The following CFAP74 variants were observed in gnomAD, a reference collection of about 807,000 sequenced individuals.
CFAP74 encodes the protein cilia and flagella associated protein 74.
In CFAP74, 124 loss-of-function variants were observed where a neutral mutation model predicts 188.9. The ratio of observed to expected loss-of-function variants is 0.66; its 90% CI spans 0.57 to 0.76. The LOEUF (loss-of-function observed/expected upper bound fraction) is 0.76, where lower values mean the gene tolerates loss of function less well. CFAP74 is among the 30% of genes least tolerant of loss of function. The pLI, the probability that CFAP74 is intolerant of heterozygous loss-of-function variation, is 0.00. For synonymous variants in CFAP74, 956 were observed against 916.7 expected (o/e 1.04, Z -0.77); for missense variants, 2,198 against 2,165.2 (o/e 1.02, Z -0.30).
chr1:1,985,916 C>A (rs1657206192), intron 5 of CFAP74, among the ~76,000 whole-genome samples: 1 of 152,278 alleles, frequency 6.6e-6, no homozygotes, highest in Non-Finnish European at 1.5e-5. Flanking sequence ...AGCCCAGCCA[C>A]GTTCCTAGAG....
chr1:1,989,408 C>A (rs1309589336), intron 2 of CFAP74, among the ~76,000 whole-genome samples: 1 of 152,208 alleles, frequency 6.6e-6, no homozygotes, highest in Non-Finnish European at 1.5e-5. Flanking sequence ...CTGCCTACGG[C>A]CCCCGAGCGT....
chr1:1,960,227 G>GAAT, intron 14 of CFAP74, 197 bp from the exon 15 acceptor site: 1 of 582,974 alleles, frequency 1.7e-6, no homozygotes, highest in Admixed American at 3.7e-5. Context: ...GGCAGGCAGG[G>GAAT]GGCGCTCCAG....
chr1:1,988,777 A>G lies in CFAP74; in HGVS notation c.152+112T>C, dbSNP rs536281770. 1.2e-3 allele frequency: 1,465 copies of G among 1,266,128 alleles called. 1 individual carries two copies. The highest frequency in any genetic ancestry group is 1.5e-3 in the Non-Finnish European group (1,383 of 916,566). The allele number at this position is 1,266,128 out of a possible 1,614,324, so 78.4% of individuals were successfully genotyped here. A position where few individuals can be genotyped will look rare whatever the true frequency, so the allele number is the denominator to read the frequency against. On this transcript the variant is annotated intron_variant, in intron 3 of 38. Coordinates refer to ENST00000682832, the MANE Select transcript of CFAP74 (RefSeq NM_001304360.2). The stretch of plus-strand genomic sequence containing the variant: ...CTTCAGGGCGGGAGCTGCGGGAGCT[A>G]CAGCCTGTGGGAGGGAGGAAGCAGC...
chr1:1,981,798 G>A (rs13303062), intron 6 of CFAP74, among the ~76,000 whole-genome samples: 6 of 94,870 alleles, frequency 6.3e-5, no homozygotes, highest in Admixed American at 1.3e-4. Flanking sequence ...GCGGTCACAC[G>A]CGGGGGCACG....
intron 29 of CFAP74, 52 bp from the exon 30 acceptor site, chr1:1,926,813 C>T: frequency 5.2e-6 from 8 of 1,548,608 alleles, no homozygotes; most frequent in Non-Finnish European, 7.0e-6. Context: ...CCTGCCCGCC[C>T]AGGCCCCAGA....
chr1:1,955,430 C>G (rs762145319), intron 18 of CFAP74: 1 of 1,499,564 alleles, frequency 6.7e-7, no homozygotes, highest in Non-Finnish European at 9.0e-7. Context: ...CGGCTCCGCC[C>G]GTGCTGGGCC....
At chr1:1,981,660 A>G (rs71511319) in intron 6 of CFAP74, among the ~76,000 whole-genome samples, 6,722 of 14,830 alleles carry the variant, frequency 0.45, 1,515 homozygotes, top group Middle Eastern at 0.59. Flanking sequence ...GGACAGACAC[A>G]GGGGCACGCA....
intron 27 of CFAP74, 30 bp from the exon 28 acceptor site, chr1:1,927,776 G>A: frequency 6.5e-7 from 1 of 1,544,562 alleles, no homozygotes; most frequent in East Asian, 2.4e-5. Context: ...CTGTGGGGCT[G>A]TGCAGGGCCC....
chr1:1,989,757 G>T (rs1322121093), intron 2 of CFAP74, among the ~76,000 whole-genome samples: 3 of 152,180 alleles, frequency 2.0e-5, no homozygotes, highest in African/African-American at 7.2e-5. Context: ...CACCACACCC[G>T]GCCCGTGTTA....
chr1:1,939,702 C>A lies in CFAP74; in HGVS notation c.2769G>T (p.Ser923=). ...VTTSDLELSP[S]EVDFGYCTIY... ...TGGTGCAGTAGCCAAAATCCACCTC[C>A]GAGGGACTGAGCTCCAGGTCCGAGG... The change falls in exon 24 of 39, where the codon TCG becomes TCT. Residue 923 remains serine, a synonymous_variant. Transcript: ENST00000682832. The A allele has an allele frequency of 6.5e-7, 1 of 1,536,082 alleles. No individual in the cohort carries two copies. Among genetic ancestry groups the A allele is most frequent in the Non-Finnish European group, 8.7e-7 (1 of 1,146,864 alleles).
Position 1,928,769 on chromosome 1 carries a change from C to G in CFAP74, c.3387+15G>C. The G allele has an allele frequency of 1.3e-6, 2 of 1,530,984 alleles. No individual in the cohort carries two copies. Among genetic ancestry groups the G allele is most frequent in the Non-Finnish European group, 1.8e-6 (2 of 1,142,722 alleles). The allele number at this position is 1,530,984 out of a possible 1,614,324, so 94.8% of individuals were successfully genotyped here. ...CTTCCCCGACCTACGCCCCTCCTTC[C>G]CGGGCCCCACGCACAGATTTGGTCT... On this transcript the variant is annotated intron_variant, in intron 27 of 38. Coordinates refer to ENST00000682832, the MANE Select transcript of CFAP74 (RefSeq NM_001304360.2).
chr1:1,959,449 A>G (rs1231897845), intron 15 of CFAP74, among the ~76,000 whole-genome samples: 1 of 148,156 alleles, frequency 6.7e-6, no homozygotes, highest in Admixed American at 6.9e-5. Context: ...TATTTTTTGT[A>G]GAGACGGGGT....
Position 1,956,758 on chromosome 1 carries a change from G to T in CFAP74, c.1878C>A (p.Asp626Glu), listed in dbSNP as rs749073124. 8 of 1,613,380 alleles carry T rather than the reference G, an allele frequency of 5.0e-6. No homozygotes were observed. In the African/African-American group the frequency reaches 9.3e-5, roughly 19 times the overall value. ...TCTCTCCTACCACGTAGCTGCCGAAGTCAATGAGCTCCTTGTCGAGGGACA... is the reference window on the plus strand; with the variant it reads ...TCTCTCCTACCACGTAGCTGCCGAATTCAATGAGCTCCTTGTCGAGGGACA... The part of the protein sequence containing the change: ...CSLSLDKELI[D>E]FGSYVVGETT... Residue 626 changes from aspartate (D) to glutamate (E), a missense_variant, in exon 17 of 39, where the codon GAC becomes GAA. Asp to Glu is a conservative substitution (Grantham distance 45). Transcript: ENST00000682832.
intron 25 of CFAP74, among the ~76,000 whole-genome samples, chr1:1,931,743 CAAAAAAAA>C (rs34088299): frequency 2.6e-5 from 2 of 77,088 alleles, no homozygotes; most frequent in African/African-American, 1.1e-4. Context: ...GTCTCTGTCT[CAAAAAAAA>C]AAAAAAAAAA....
In CFAP74 at chr1:1,923,775, C is replaced by G. The variant is rs1418670531; in HGVS notation, c.4389G>C (p.Lys1463Asn). The part of the protein sequence containing the change: ...SDKLQVVLFE[K>N]KISHQILLKG... ...TGAGCTTGCAGAGCCAGAGCCGCAC[C>G]TTTTCAAAGAGCACCACCTGGAGCT... is the stretch of plus-strand genomic sequence containing the variant. Residue 1463 changes from lysine to asparagine, a missense_variant and splice_region_variant, in exon 35 of 39, where the codon AAG (lysine) becomes AAC (asparagine). Physicochemically the swap from Lys to Asn is moderately conservative, Grantham distance 94 (BLOSUM62 0). Transcript: ENST00000682832. This position sits in a 1 kb window ranked among gnomAD's most constrained non-coding sequence, Gnocchi z 6.3. 1.9e-6 allele frequency: 3 copies of G among 1,613,334 alleles called. No individual in the cohort carries two copies. The highest frequency in any genetic ancestry group is 1.7e-6 in the Non-Finnish European group (2 of 1,179,856).
At chr1:1,988,758 GGCGGGAGCT>G in intron 3 of CFAP74, 103 bp from the exon 4 acceptor site, 5 of 1,465,082 alleles carry the variant, frequency 3.4e-6, no homozygotes, top group Admixed American at 1.8e-5. Flanking sequence ...TCTGCTTCAG[GGCGGGAGCT>G]GCGGGAGCTA....
At chr1:1,993,939 A>G (rs544120507) in intron 1 of CFAP74, among the ~76,000 whole-genome samples, 499 of 151,076 alleles carry the variant, frequency 3.3e-3, no homozygotes, top group South Asian at 7.3e-3. Context: ...CCGAGATCAC[A>G]CCACTGCACT....
chr1:1,926,426 C>A (rs1275745431), intron 31 of CFAP74, 31 bp downstream of exon 31: 1 of 1,550,302 alleles, frequency 6.5e-7, no homozygotes, highest in African/African-American at 1.4e-5. Flanking sequence ...TCCCACCCCG[C>A]AGGCCGCCTG....
At chr1:1,934,808 T>C (rs1481944233) in intron 25 of CFAP74, among the ~76,000 whole-genome samples, 3 of 150,134 alleles carry the variant, frequency 2.0e-5, no homozygotes, top group African/African-American at 7.4e-5. Flanking sequence ...CACACGTGTG[T>C]ATGTGGGTGT....
Sources: gnomAD v4.1 joint callset for allele counts (sites outside exome capture counted in the v4.1 genomes callset) on GRCh38, gnomAD v4.1.1 for gene constraint, Gnocchi (gnomAD v3.1) non-coding constraint, MANE v1.5 for transcripts, NCBI Gene and HGNC (gene_info 2026-07-23, HGNC 2026-07-21) for gene names.